The following PNPT1 variants were observed in gnomAD, a reference collection of about 807,000 sequenced individuals.
The protein encoded by PNPT1 is polyribonucleotide nucleotidyltransferase 1, mitochondrial.
Under a neutral mutation model 119.5 loss-of-function variants are expected in PNPT1, and 53 were observed. The ratio of observed to expected loss-of-function variants is 0.44; its 90% CI spans 0.36 to 0.56. The LOEUF (loss-of-function observed/expected upper bound fraction) is 0.56, where lower values mean the gene tolerates loss of function less well. PNPT1 is among the 20% of genes least tolerant of loss of function. The pLI, the probability that PNPT1 is intolerant of heterozygous loss-of-function variation, is 0.00. For missense variants in PNPT1, 948 were observed against 938.5 expected, an observed-to-expected ratio of 1.01 and a Z score of -0.13; for synonymous variants, 357 against 322.1, an observed-to-expected ratio of 1.11 and a Z score of -1.16.
chr2:55,655,343 C>A (rs1191418907), intron 17 of PNPT1, among the ~76,000 whole-genome samples: 2 of 152,108 alleles, frequency 1.3e-5, no homozygotes, highest in African/African-American at 4.8e-5. Context: ...CCAAGTTAGA[C>A]CCTTTGGACC....
Position 55,654,957 on chromosome 2 carries a change from T to C in PNPT1, c.1442-4A>G, listed in dbSNP as rs1027454741. Reference sequence around the variant, plus strand: ...GCAGATGCCATAGAAGATGACCCTATAGAAAGAAAAATAACTGCTTTATAT... The same window carrying C: ...GCAGATGCCATAGAAGATGACCCTACAGAAAGAAAAATAACTGCTTTATAT... On this transcript the variant is annotated splice_region_variant and splice_polypyrimidine_tract_variant and intron_variant, in intron 17 of 27. Coordinates refer to ENST00000447944, the MANE Select transcript of PNPT1 (RefSeq NM_033109.5). 12 of 1,611,558 alleles carry C rather than the reference T, an allele frequency of 7.4e-6. No homozygotes were observed. The Admixed American group carries it at 1.2e-4, about 16-fold the overall frequency.
intron 18 of PNPT1, among the ~76,000 whole-genome samples, chr2:55,651,551 T>C (rs929372315): frequency 5.3e-5 from 8 of 152,120 alleles, no homozygotes; most frequent in African/African-American, 1.9e-4. Context: ...CAAGATGTGC[T>C]TTGTTAAACA....
At chr2:55,649,017 A>G (rs1390425028) in intron 18 of PNPT1, among the ~76,000 whole-genome samples, 1 of 152,188 alleles carries the variant, frequency 6.6e-6, no homozygotes, top group Non-Finnish European at 1.5e-5. Context: ...TTTAACCACC[A>G]TCTATAATGT....
chr2:55,661,897 C>A, intron 14 of PNPT1, 59 bp downstream of exon 14: 4 of 1,388,928 alleles, frequency 2.9e-6, no homozygotes, highest in South Asian at 1.5e-5. Flanking sequence ...ACCACATAAG[C>A]TTTAATTATA....
At chr2:55,643,287 T>C in intron 24 of PNPT1, 32 bp downstream of exon 24, 1 of 1,610,678 alleles carries the variant, frequency 6.2e-7, no homozygotes, top group South Asian at 1.1e-5. Flanking sequence ...AATATAGCTA[T>C]ATGATACGTA....
intron 27 of PNPT1, among the ~76,000 whole-genome samples, chr2:55,637,135 A>C (rs1695701195): frequency 6.6e-6 from 1 of 152,206 alleles, no homozygotes; most frequent in African/African-American, 2.4e-5. Context: ...TTGTTATATG[A>C]ATTCTAGGCC....
intron 14 of PNPT1, among the ~76,000 whole-genome samples, 155 bp downstream of exon 14, chr2:55,661,801 C>A (rs1559098401): frequency 6.6e-6 from 1 of 152,052 alleles, no homozygotes; most frequent in Non-Finnish European, 1.5e-5. Flanking sequence ...AGCACACACA[C>A]AAAATCCTTT....
intron 1 of PNPT1, among the ~76,000 whole-genome samples, chr2:55,692,624 G>T (rs191263234): frequency 5.5e-4 from 84 of 152,156 alleles, no homozygotes; most frequent in African/African-American, 1.9e-3. Context: ...TAGACTCTTA[G>T]AAAGTTATCT....
intron 25 of PNPT1, among the ~76,000 whole-genome samples, chr2:55,641,441 G>GT (rs1314868764): frequency 6.6e-6 from 1 of 151,708 alleles, no homozygotes; most frequent in African/African-American, 2.4e-5. Context: ...GCTAATTTTT[G>GT]TATTTTTAGT....
intron 26 of PNPT1, 104 bp downstream of exon 26, chr2:55,640,523 G>C (rs1695804122): frequency 3.1e-6 from 3 of 980,148 alleles, no homozygotes; most frequent in South Asian, 1.4e-5. Flanking sequence ...TCTCTGTTTA[G>C]GCTAGTAGTA....
Position 55,644,706 on chromosome 2 carries a change from G to T in PNPT1, c.1837C>A (p.Pro613Thr), listed in dbSNP as rs1413177940. 1 of 1,609,702 alleles carries T rather than the reference G, an allele frequency of 6.2e-7. No homozygotes were observed. Among genetic ancestry groups the T allele is most frequent in the Non-Finnish European group, 8.5e-7 (1 of 1,176,800 alleles). The change falls in exon 23 of 28, where the codon CCA becomes ACA. Residue 613 changes from proline (P) to threonine (T), a missense_variant. By Grantham distance (38) the Pro-to-Thr change is conservative (BLOSUM62 -1). Coordinates refer to ENST00000447944, the MANE Select transcript of PNPT1 (RefSeq NM_033109.5). ...ACAAATTTTGCTCGTTTTGATAATG[G>T]AACCTGAACAGTTTCTGGAACGTAA... ...NGPVVETVQVPLSKRAKFVGP... is the reference protein window; with the variant it reads ...NGPVVETVQVTLSKRAKFVGP...
chr2:55,636,447 A>G (rs1695677920), intron 27 of PNPT1, 55 bp from the exon 28 acceptor site: 4 of 1,546,932 alleles, frequency 2.6e-6, no homozygotes, highest in South Asian at 2.3e-5. Context: ...AGTGACATCT[A>G]AACTAATAGA....
chr2:55,671,232 C>T (rs926999231), intron 11 of PNPT1, 87 bp downstream of exon 11: 2 of 631,742 alleles, frequency 3.2e-6, no homozygotes, highest in Non-Finnish European at 2.5e-6. Context: ...TCCTCTTTGA[C>T]CTTTAATCCC....
chr2:55,639,046 GC>G (rs1249992287), intron 26 of PNPT1, among the ~76,000 whole-genome samples: 1 of 152,090 alleles, frequency 6.6e-6, no homozygotes, highest in African/African-American at 2.4e-5. Flanking sequence ...AAAGTGCTGG[GC>G]TTACAGGCGT....
intron 18 of PNPT1, among the ~76,000 whole-genome samples, chr2:55,649,016 C>A (rs1388863568): frequency 6.6e-6 from 1 of 152,148 alleles, no homozygotes; most frequent in East Asian, 1.9e-4. Context: ...TTTTAACCAC[C>A]ATCTATAATG....
chr2:55,670,603 T>C (rs775518649), intron 11 of PNPT1, among the ~76,000 whole-genome samples: 10 of 152,216 alleles, frequency 6.6e-5, no homozygotes, highest in Admixed American at 1.3e-4. Flanking sequence ...TTAACATTTA[T>C]TGAACACTTA....
intron 8 of PNPT1, among the ~76,000 whole-genome samples, chr2:55,673,312 G>A (rs1304473730): frequency 6.6e-6 from 1 of 151,504 alleles, no homozygotes; most frequent in African/African-American, 2.4e-5. Flanking sequence ...TAAGTTTAAG[G>A]AGGGATTTCC....
chr2:55,636,874 C>A (rs1239353714), intron 27 of PNPT1, among the ~76,000 whole-genome samples: 2 of 32,718 alleles, frequency 6.1e-5, no homozygotes, highest in Non-Finnish European at 1.1e-4. Context: ...GATGTGAAAA[C>A]AACAACAACA....
intron 1 of PNPT1, 59 bp downstream of exon 1, chr2:55,693,604 C>T: frequency 6.3e-7 from 1 of 1,595,146 alleles, no homozygotes; most frequent in Non-Finnish European, 8.6e-7. Context: ...GATGAATACG[C>T]TCAAGCTGGC....
Sources: gnomAD v4.1 joint callset for allele counts (sites outside exome capture counted in the v4.1 genomes callset) on GRCh38, gnomAD v4.1.1 for gene constraint, MANE v1.5 for transcripts, NCBI Gene and HGNC (gene_info 2026-07-23, HGNC 2026-07-21) for gene names.